The following MAPK6 variants were observed in gnomAD, a reference collection of about 807,000 sequenced individuals.
The protein encoded by MAPK6 is mitogen-activated protein kinase 6.
In MAPK6, 19 loss-of-function variants were observed where a neutral mutation model predicts 59.3. The ratio of observed to expected loss-of-function variants is 0.32; its 90% CI spans 0.22 to 0.47. MAPK6 has a LOEUF of 0.47. MAPK6 is among the 20% of genes least tolerant of loss of function. MAPK6 has a pLI of 1.00. For synonymous variants in MAPK6, 316 were observed against 290.3 expected (o/e 1.09, Z -0.90); for missense variants, 724 against 847.9 (o/e 0.85, Z 1.81).
At chr15:51,992,975 G>C (rs944197768) in intron 2 of MAPK6, among the ~76,000 whole-genome samples, 1 of 151,994 alleles carries the variant, frequency 6.6e-6, no homozygotes, top group Non-Finnish European at 1.5e-5. Flanking sequence ...CATTATGTAG[G>C]CATGACTGAT....
At chr15:52,027,317 T>TC (rs2030832235) in intron 1 of MAPK6, among the ~76,000 whole-genome samples, 1 of 109,648 alleles carries the variant, frequency 9.1e-6, no homozygotes, top group Non-Finnish European at 1.7e-5. Context: ...GCCACTGTAC[T>TC]CCAGGCTGGG....
intron 2 of MAPK6, among the ~76,000 whole-genome samples, chr15:51,998,714 G>T (rs1469529733): frequency 4.9e-4 from 1 of 2,026 alleles, no homozygotes; most frequent in Non-Finnish European, 7.7e-3. Context: ...TTTTTGAGAC[G>T]GAGTCTCGCT....
intron 2 of MAPK6, among the ~76,000 whole-genome samples, chr15:52,000,962 C>T (rs8034710): frequency 0.017 from 2,620 of 152,186 alleles, 74 homozygotes; most frequent in African/African-American, 0.06. Flanking sequence ...TACCACCCTC[C>T]CTGTTTTGGC....
chr15:51,994,854 CT>C (rs2057220172), intron 2 of MAPK6, among the ~76,000 whole-genome samples: 1 of 152,108 alleles, frequency 6.6e-6, no homozygotes, highest in African/African-American at 2.4e-5. Context: ...AATAAATGGC[CT>C]GTAATCTAGA....
exon 3 of MAPK6, chr15:52,004,359 G>A (rs1245238160): frequency 3.9e-5 from 6 of 152,174 alleles, no homozygotes; most frequent in Non-Finnish European, 7.4e-5. Flanking sequence ...TTGTTAGAAA[G>A]GACCACGGGC....
At chr15:51,994,316 A>G (rs907661037) in intron 2 of MAPK6, among the ~76,000 whole-genome samples, 2 of 152,140 alleles carry the variant, frequency 1.3e-5, no homozygotes, top group African/African-American at 4.8e-5. Flanking sequence ...CCCTTGGAGA[A>G]TGGCTGATTC....
At chr15:51,990,632 A>G (rs1023396582) in intron 2 of MAPK6, among the ~76,000 whole-genome samples, 10 of 152,022 alleles carry the variant, frequency 6.6e-5, no homozygotes, top group African/African-American at 2.4e-4. Context: ...CCTGACCAAC[A>G]TGGAGAAACC....
intron 3 of MAPK6, among the ~76,000 whole-genome samples, chr15:52,007,500 G>A (rs1368938053): frequency 3.9e-5 from 6 of 151,910 alleles, no homozygotes; most frequent in Admixed American, 1.3e-4. Flanking sequence ...GTTATTCTAC[G>A]TAAGAAAAAA....
At chr15:52,063,823 T>C in intron 5 of MAPK6, 79 bp from the exon 6 acceptor site, 1 of 1,272,664 alleles carries the variant, frequency 7.9e-7, no homozygotes, top group East Asian at 2.3e-5. Context: ...AGCACAGTGC[T>C]GTCACATAGA....
intron 2 of MAPK6, among the ~76,000 whole-genome samples, chr15:52,002,442 G>A (rs1377934616): frequency 1.3e-5 from 2 of 152,190 alleles, no homozygotes; most frequent in East Asian, 1.9e-4. Context: ...GGCTCTGACT[G>A]TGGTAGTTTG....
chr15:51,997,920 T>C (rs2057229869), intron 2 of MAPK6, among the ~76,000 whole-genome samples: 1 of 146,950 alleles, frequency 6.8e-6, no homozygotes, highest in South Asian at 2.1e-4. Flanking sequence ...CTTTTCTTTC[T>C]TTCTCTTTCT....
In MAPK6 at chr15:51,991,186, T is replaced by C. The variant is rs2057207554; in HGVS notation, c.-770+7871T>C. On this transcript the variant is annotated intron_variant, in intron 2 of 7. Coordinates refer to the MAPK6 transcript ENST00000691380. Reference sequence around the variant, plus strand: ...ACACACACACACACACACACATATATATATGTATATGTATATATGTACATA... The same window carrying C: ...ACACACACACACACACACACATATACATATGTATATGTATATATGTACATA... 7.4e-5 allele frequency among the ~76,000 whole-genome samples: 11 copies of C among 148,966 alleles called. No individual in the cohort carries two copies. The South Asian group carries it at 2.4e-3, about 32-fold the overall frequency.
At chr15:52,027,224 C>T (rs2030826713) in intron 1 of MAPK6, among the ~76,000 whole-genome samples, 1 of 151,450 alleles carries the variant, frequency 6.6e-6, no homozygotes, top group Non-Finnish European at 1.5e-5. Context: ...GTAGCGTATG[C>T]CTGTAATCCC....
chr15:51,983,119 A>G (rs2057179601), intron 1 of MAPK6, among the ~76,000 whole-genome samples: 1 of 152,216 alleles, frequency 6.6e-6, no homozygotes, highest in South Asian at 2.1e-4. Context: ...AGAAAGAAGT[A>G]ACTAATAGGA....
chr15:52,046,782 C>T lies in MAPK6; in HGVS notation c.322C>T (p.Gln108Ter). 6.2e-7 allele frequency: 1 copy of T among 1,613,814 alleles called. No homozygotes were observed. Among genetic ancestry groups the T allele is most frequent in the Non-Finnish European group, 8.5e-7 (1 of 1,179,892 alleles). ...GGAACTGAACAGTGTTTACATTGTTCAGGAGTACATGGAGACAGACTTGGC... is the reference window on the plus strand; with the variant it reads ...GGAACTGAACAGTGTTTACATTGTTTAGGAGTACATGGAGACAGACTTGGC... ...LTELNSVYIV[Q>*]EYMETDLANV... The change falls in exon 2 of 6, where the codon CAG becomes TAG. Residue 108 changes from glutamine (Q) to a stop codon, truncating the protein, a stop_gained. Transcript: ENST00000261845. LOFTEE classifies it high-confidence loss of function.
At chr15:52,056,573 C>G (rs1396942832) in intron 3 of MAPK6, 2 of 152,284 alleles carry the variant, frequency 1.3e-5, no homozygotes, top group Non-Finnish European at 2.9e-5. Context: ...AATCCCTTGT[C>G]AATTCTAAGT....
At chr15:52,024,369 G>A (rs2141855508) in intron 1 of MAPK6, among the ~76,000 whole-genome samples, 1 of 151,752 alleles carries the variant, frequency 6.6e-6, no homozygotes, top group African/African-American at 2.4e-5. Context: ...CGGTCCTACT[G>A]AATTAGAATC....
chr15:51,973,551 T>C (rs1372283128), intron 1 of MAPK6, among the ~76,000 whole-genome samples: 5 of 152,004 alleles, frequency 3.3e-5, no homozygotes, highest in African/African-American at 4.8e-5. Context: ...TGAGTCACCA[T>C]GTCCATATTC....
intron 3 of MAPK6, among the ~76,000 whole-genome samples, chr15:52,052,155 C>G (rs1394039261): frequency 6.6e-6 from 1 of 152,120 alleles, no homozygotes; most frequent in Non-Finnish European, 1.5e-5. Flanking sequence ...CTGGGTGGTT[C>G]TAGCTTATGT....
Sources: gnomAD v4.1 joint callset for allele counts (sites outside exome capture counted in the v4.1 genomes callset) on GRCh38, gnomAD v4.1.1 for gene constraint, MANE v1.5 for transcripts, NCBI Gene and HGNC (gene_info 2026-07-23, HGNC 2026-07-21) for gene names.